The following MON1A variants were observed in gnomAD, a reference collection of about 807,000 sequenced individuals.
MON1A encodes MON1 vesicular trafficking associated A.
A neutral mutation model predicts 44.6 loss-of-function variants in MON1A; 29 were observed. The ratio of observed to expected loss-of-function variants is 0.65; its 90% CI spans 0.48 to 0.89. The LOEUF (loss-of-function observed/expected upper bound fraction) is 0.89. MON1A is among the 40% of genes least tolerant of loss of function. The pLI is 0.00. For synonymous variants in MON1A, 275 were observed against 316.4 expected (o/e 0.87, Z 1.39); for missense variants, 615 against 759.6 (o/e 0.81, Z 2.24).
rs371036543 is a variant in MON1A, at chr3:49,910,133, C to T, written c.1365G>A (p.Ser455=). The T allele has an allele frequency of 8.8e-6, 14 of 1,599,326 alleles. No individual in the cohort carries two copies. The highest frequency in any genetic ancestry group is 1.2e-5 in the Non-Finnish European group (14 of 1,169,548). ...CCCTCCCTCACCTGGTGAAGAGTCC[C>T]GAGCTCTTTGACTTATAGAGGAAGT... ...LRHFLYKSKS[S]GLFTSPEIEA... Residue 455 remains serine, a synonymous_variant, in exon 4 of 6, where the codon TCG becomes TCA. Transcript: ENST00000296473. This position sits in a 1 kb window ranked among gnomAD's most constrained non-coding sequence, Gnocchi z 8.0.
chr3:49,917,997 G>A (rs1183628268), intron 1 of MON1A, among the ~76,000 whole-genome samples: 2 of 151,512 alleles, frequency 1.3e-5, no homozygotes, highest in Non-Finnish European at 2.9e-5. Context: ...GTGGTGAGCC[G>A]AGATTACACT....
chr3:49,926,314 C>T (rs1284274528), intron 1 of MON1A, among the ~76,000 whole-genome samples: 1 of 152,184 alleles, frequency 6.6e-6, no homozygotes, highest in Admixed American at 6.6e-5. Context: ...GACTCAGTCC[C>T]TCACTCCCTT....
At chr3:49,913,453 G>T in intron 1 of MON1A, 94 bp from the exon 2 acceptor site, 1 of 1,207,072 alleles carries the variant, frequency 8.3e-7, no homozygotes, top group Non-Finnish European at 1.1e-6. Flanking sequence ...TCCTTTATCA[G>T]GACTCCACTA....
At chr3:49,922,529 AGGAGGGAGGGAG>A (rs781198766) in intron 1 of MON1A, among the ~76,000 whole-genome samples, 1 of 103,776 alleles carries the variant, frequency 9.6e-6, no homozygotes, top group African/African-American at 3.6e-5. Context: ...GAGAGAAGGA[AGGAGGGAGGGAG>A]GGAGGGAGGG....
At chr3:49,913,477 G>T in intron 1 of MON1A, 118 bp from the exon 2 acceptor site, 2 of 916,248 alleles carry the variant, frequency 2.2e-6, no homozygotes, top group Non-Finnish European at 3.2e-6. Context: ...CAAATCTCTA[G>T]AAAATGGATT....
Position 49,911,551 on chromosome 3 carries a change from C to T in MON1A, c.588G>A (p.Lys196=). 6.2e-7 allele frequency: 1 copy of T among 1,612,776 alleles called. No individual in the cohort carries two copies. The highest frequency in any genetic ancestry group is 8.5e-7 in the Non-Finnish European group (1 of 1,179,164). ...VALVSFLEAD[K]NAIRSIHADG... is the part of the protein sequence containing the mutation. ...CTGCATGGATGGAGCGGATGGCGTT[C>T]TTGTCTGCCTCCAGGAAGGACACCA... Residue 196 remains lysine (K), a synonymous_variant, in exon 3 of 6, where the codon AAG becomes AAA. Transcript: ENST00000296473. This position sits in a 1 kb window ranked among gnomAD's most constrained non-coding sequence, Gnocchi z 5.7.
Position 49,911,008 on chromosome 3 carries a change from GT to G in MON1A, c.614-125del. The G allele has an allele frequency of 1.1e-6, 1 of 928,128 alleles. No homozygotes were observed. Among genetic ancestry groups the G allele is most frequent in the Non-Finnish European group, 1.6e-6 (1 of 635,114 alleles). The allele number at this position is 928,128 out of a possible 1,614,324, so 57.5% of individuals were successfully genotyped here. A position where few individuals can be genotyped will look rare whatever the true frequency, so the allele number is the denominator to read the frequency against. ...GCTCAGAGCTCTGCGCACAGTAGGG[GT>G]TTAAGGATGTTCAGGATAAAAACCC... On this transcript the variant is annotated intron_variant, in intron 3 of 5. Coordinates refer to ENST00000296473, the MANE Select transcript of MON1A (RefSeq NM_032355.4). This position sits in a 1 kb window ranked among gnomAD's most constrained non-coding sequence, Gnocchi z 5.7.
At chr3:49,919,696 TCTCAGGTGATCCTGAC>T (rs1215757873) in intron 1 of MON1A, among the ~76,000 whole-genome samples, 2 of 152,306 alleles carry the variant, frequency 1.3e-5, no homozygotes, top group East Asian at 1.9e-4. Context: ...GCCAGGCTGG[TCTCAGGTGATCCTGAC>T]CTCAGGTGAT....
intron 1 of MON1A, among the ~76,000 whole-genome samples, chr3:49,919,807 T>TA (rs1457044268): frequency 2.6e-5 from 4 of 152,130 alleles, no homozygotes; most frequent in African/African-American, 9.7e-5. Context: ...TTTGCTCACA[T>TA]AAAATCTACT....
intron 1 of MON1A, 83 bp downstream of exon 1, chr3:49,929,526 C>G (rs1471384530): frequency 6.8e-6 from 10 of 1,465,144 alleles, no homozygotes; most frequent in Non-Finnish European, 9.3e-6. Flanking sequence ...TGGAGGCCCC[C>G]GTCTTCAAGC....
At chr3:49,920,906 C>G (rs949072970) in intron 1 of MON1A, among the ~76,000 whole-genome samples, 3 of 151,868 alleles carry the variant, frequency 2.0e-5, no homozygotes, top group Non-Finnish European at 4.4e-5. Flanking sequence ...ACCTGTAATC[C>G]TAGCACTTTG....
In MON1A at chr3:49,916,251, C is replaced by T. The variant is rs942658140; in HGVS notation, c.-13-2892G>A. ...AAAAAGTTCATGAAAAGGGTGGTCC[C>T]AAACAGATAGCATCACCATCAGTAG... On this transcript the variant is annotated intron_variant, in intron 1 of 5. Coordinates refer to ENST00000296473, the MANE Select transcript of MON1A (RefSeq NM_032355.4). 3.3e-5 allele frequency among the ~76,000 whole-genome samples: 5 copies of T among 152,142 alleles called. No homozygotes were observed. In the South Asian group the frequency reaches 1.0e-3, roughly 32 times the overall value.
Position 49,929,595 on chromosome 3 carries a change from G to A in MON1A, c.-14+14C>T, listed in dbSNP as rs1379461434. On this transcript the variant is annotated intron_variant, in intron 1 of 5. Coordinates refer to ENST00000296473, the MANE Select transcript of MON1A (RefSeq NM_032355.4). Reference sequence around the variant, plus strand: ...TAGGTGCCTCCAGGCCACGTGGGCTGGCAGTCAACTCACCTGTTTCTCAGA... The same window carrying A: ...TAGGTGCCTCCAGGCCACGTGGGCTAGCAGTCAACTCACCTGTTTCTCAGA... 1 of 1,551,488 alleles carries A rather than the reference G, an allele frequency of 6.4e-7. No individual in the cohort carries two copies. The highest frequency in any genetic ancestry group is 8.7e-7 in the Non-Finnish European group (1 of 1,146,922).
At position 49,910,529 on chromosome 3, in the gene MON1A, C is replaced by T; in HGVS notation, c.969G>A (p.Leu323=). 6.2e-7 allele frequency: 1 copy of T among 1,613,752 alleles called. No individual in the cohort carries two copies. The highest frequency in any genetic ancestry group is 8.5e-7 in the Non-Finnish European group (1 of 1,179,868). Residue 323 remains leucine (L), a synonymous_variant, in exon 4 of 6, where the codon CTG becomes CTA. Coordinates refer to ENST00000296473, the MANE Select transcript of MON1A (RefSeq NM_032355.4). The surrounding 1 kb of genome is among the most constrained non-coding windows in gnomAD (Gnocchi z 8.0). ...ARARSLVFSI[L]LARNQLVALV... is the part of the protein sequence containing the mutation. ...GTGCCACGAGCTGGTTGCGGGCCAGCAGGATGGAGAAGACCAGGCTGCGCG... is the reference window on the plus strand; with the variant it reads ...GTGCCACGAGCTGGTTGCGGGCCAGTAGGATGGAGAAGACCAGGCTGCGCG...
Position 49,910,331 on chromosome 3 carries a change from A to G in MON1A, c.1167T>C (p.Thr389=), listed in dbSNP as rs767555123. ...HAHISYLEPD[T]DLCLLLVSTD... is the part of the protein sequence containing the mutation. ...TGGAGACAAGCAGCAGGCAGAGGTC[A>G]GTGTCAGGCTCTAGGTAAGAGATGT... The change falls in exon 4 of 6, where the codon ACT becomes ACC. Residue 389 remains threonine (T), a synonymous_variant. Transcript: ENST00000296473. This position sits in a 1 kb window ranked among gnomAD's most constrained non-coding sequence, Gnocchi z 8.0. 1.9e-6 allele frequency: 3 copies of G among 1,614,104 alleles called. No individual in the cohort carries two copies. The highest frequency in any genetic ancestry group is 1.1e-5 in the South Asian group (1 of 91,096).
chr3:49,913,403 C>A, intron 1 of MON1A, 44 bp from the exon 2 acceptor site: 1 of 1,576,818 alleles, frequency 6.3e-7, no homozygotes, highest in South Asian at 1.2e-5. Flanking sequence ...TTGGCAGGGT[C>A]ACAGGCATAA....
At chr3:49,921,950 CA>C (rs1391706841) in intron 1 of MON1A, among the ~76,000 whole-genome samples, 1 of 148,648 alleles carries the variant, frequency 6.7e-6, no homozygotes, top group East Asian at 2.0e-4. Context: ...CCAGCCTGGC[CA>C]ACATGGTGAA....
At position 49,913,357 on chromosome 3, in the gene MON1A, C is replaced by T. The variant is rs761856143; in HGVS notation, c.-11G>A. ...CATGTCAGTAGCCATCCTTTGAGCT[C>T]TCCTGTGGGGCAAACAAATGCAACA... On this transcript the variant is annotated splice_region_variant and 5_prime_UTR_variant, in exon 2 of 6. Transcript: ENST00000296473. 1.2e-6 allele frequency: 2 copies of T among 1,607,364 alleles called. No homozygotes were observed. The highest frequency in any genetic ancestry group is 1.3e-5 in the African/African-American group (1 of 74,812).
In MON1A at chr3:49,909,418, G is replaced by A; in HGVS notation, c.1380-18C>T. On this transcript the variant is annotated intron_variant, in intron 4 of 5. Coordinates refer to ENST00000296473, the MANE Select transcript of MON1A (RefSeq NM_032355.4). The surrounding 1 kb of genome is among the most constrained non-coding windows in gnomAD (Gnocchi z 4.0). The stretch of plus-strand genomic sequence containing the variant: ...TCTCAGGGCTGCAGACAGGGTGGAG[G>A]GAGTGGGTTTGCAAAGGAATGACTT... The A allele has an allele frequency of 1.2e-6, 2 of 1,613,412 alleles. No homozygotes were observed. The highest frequency in any genetic ancestry group is 2.7e-5 in the African/African-American group (2 of 75,026).
Sources: gnomAD v4.1 joint callset for allele counts (sites outside exome capture counted in the v4.1 genomes callset) on GRCh38, gnomAD v4.1.1 for gene constraint, Gnocchi (gnomAD v3.1) non-coding constraint, MANE v1.5 for transcripts, NCBI Gene and HGNC (gene_info 2026-07-23, HGNC 2026-07-21) for gene names.